The following MBOAT2 variants were observed in gnomAD, a reference collection of about 807,000 sequenced individuals.
MBOAT2 encodes membrane bound glycerophospholipid O-acyltransferase 2, also known as membrane-bound glycerophospholipid O-acyltransferase 2.
MBOAT2 carries 28 observed loss-of-function variants against 63.4 expected under a neutral mutation model. That is an observed-to-expected ratio of 0.44 (90% CI 0.33 to 0.61). The LOEUF (loss-of-function observed/expected upper bound fraction) is 0.61, where lower values mean the gene tolerates loss of function less well. Ranked by LOEUF, MBOAT2 falls within the 20% of genes least tolerant of loss-of-function variation. MBOAT2 has a pLI of 0.03. For synonymous variants in MBOAT2, 211 were observed against 215.6 expected (o/e 0.98, Z 0.19); for missense variants, 470 against 605.8 (o/e 0.78, Z 2.35).
At chr2:8,968,932 G>C (rs1336743412) in intron 1 of MBOAT2, among the ~76,000 whole-genome samples, 1 of 152,152 alleles carries the variant, frequency 6.6e-6, no homozygotes, top group Non-Finnish European at 1.5e-5. Context: ...CGGGGAGAAT[G>C]GAACCAAGTG....
chr2:8,995,049 C>G (rs184539642), intron 1 of MBOAT2, among the ~76,000 whole-genome samples: 1 of 151,270 alleles, frequency 6.6e-6, no homozygotes. Flanking sequence ...TGTCAGGGGT[C>G]GGGGGTTGAA....
chr2:8,987,255 T>C (rs1356417881), intron 1 of MBOAT2, among the ~76,000 whole-genome samples: 3 of 152,310 alleles, frequency 2.0e-5, no homozygotes, highest in African/African-American at 7.2e-5. Flanking sequence ...TGGCTTCCCA[T>C]CATATTTATA....
chr2:8,981,184 G>A (rs1671168373), intron 1 of MBOAT2, among the ~76,000 whole-genome samples: 1 of 152,144 alleles, frequency 6.6e-6, no homozygotes, highest in African/African-American at 2.4e-5. Flanking sequence ...GGGATTTGGG[G>A]AAATGGGGAG....
At chr2:8,903,488 G>A (rs1465284728) in intron 4 of MBOAT2, among the ~76,000 whole-genome samples, 1 of 146,646 alleles carries the variant, frequency 6.8e-6, no homozygotes, top group African/African-American at 2.5e-5. Flanking sequence ...TTTTTTTTTT[G>A]GTGGGTACAC....
intron 3 of MBOAT2, among the ~76,000 whole-genome samples, chr2:8,933,117 G>T (rs182506913): frequency 2.6e-5 from 4 of 152,242 alleles, no homozygotes; most frequent in Admixed American, 2.0e-4. Flanking sequence ...ATGGATGGTT[G>T]CATGGGCTCT....
At chr2:8,908,453 T>C (rs776383942) in intron 4 of MBOAT2, 168 bp downstream of exon 4, 2 of 556,244 alleles carry the variant, frequency 3.6e-6, no homozygotes, top group Non-Finnish European at 6.4e-6. Context: ...TAGATAGTAC[T>C]AAAAAGACTA....
chr2:8,969,060 A>G (rs1231899948), intron 1 of MBOAT2, among the ~76,000 whole-genome samples: 2 of 152,210 alleles, frequency 1.3e-5, no homozygotes, highest in Non-Finnish European at 2.9e-5. Flanking sequence ...ACTCCAAGAC[A>G]CATAATTGTA....
intron 4 of MBOAT2, among the ~76,000 whole-genome samples, chr2:8,892,348 T>A (rs915253093): frequency 1.3e-5 from 2 of 151,884 alleles, no homozygotes; most frequent in African/African-American, 4.8e-5. Context: ...CCAAACAAGA[T>A]CCACTGACAC....
In MBOAT2 at chr2:8,862,020, C is replaced by T. The variant is rs1661533996; in HGVS notation, c.1185+570G>A. 6.6e-6 allele frequency among the ~76,000 whole-genome samples: 1 copy of T among 152,204 alleles called. No individual in the cohort carries two copies. The highest frequency in any genetic ancestry group is 2.4e-5 in the African/African-American group (1 of 41,444). On this transcript the variant is annotated intron_variant, in intron 11 of 12. Coordinates refer to ENST00000305997, the MANE Select transcript of MBOAT2 (RefSeq NM_138799.4). This position sits in a 1 kb window ranked among gnomAD's most constrained non-coding sequence, Gnocchi z 4.3. ...TTCAAACATGGTTTTTGTCACGTCA[C>T]TTTCCTCTAACTGGTTTTCAAGGGC...
intron 1 of MBOAT2, among the ~76,000 whole-genome samples, chr2:8,995,626 T>C (rs1672233509): frequency 6.7e-6 from 1 of 148,918 alleles, no homozygotes; most frequent in Non-Finnish European, 1.5e-5. Flanking sequence ...AGTCTCGCTC[T>C]GTCACCCAGG....
At chr2:8,965,945 A>C (rs1297704425) in intron 1 of MBOAT2, among the ~76,000 whole-genome samples, 1 of 152,194 alleles carries the variant, frequency 6.6e-6, no homozygotes, top group Non-Finnish European at 1.5e-5. Context: ...TCAACAAATC[A>C]ATAAAAACAG....
chr2:8,970,930 C>T (rs942825559), intron 1 of MBOAT2, among the ~76,000 whole-genome samples: 5 of 152,120 alleles, frequency 3.3e-5, no homozygotes, highest in Non-Finnish European at 5.9e-5. Context: ...CAATTTCTAC[C>T]GGAGGTACAA....
chr2:8,868,608 C>G (rs1662073971), intron 8 of MBOAT2, 59 bp from the exon 9 acceptor site: 2 of 1,335,022 alleles, frequency 1.5e-6, no homozygotes, highest in African/African-American at 2.9e-5. Context: ...TTACCATATT[C>G]TCCCAGAAGG....
chr2:8,973,277 C>A (rs527780645), intron 1 of MBOAT2, among the ~76,000 whole-genome samples: 1 of 150,346 alleles, frequency 6.7e-6, no homozygotes, highest in Non-Finnish European at 1.5e-5. Context: ...GGATAAAAAA[C>A]CAAACACTGC....
intron 12 of MBOAT2, 38 bp from the exon 13 acceptor site, chr2:8,858,942 A>C: frequency 1.4e-6 from 2 of 1,455,370 alleles, no homozygotes; most frequent in Non-Finnish European, 1.9e-6. Flanking sequence ...AAAACTTGAT[A>C]ATTAATAATC....
intron 7 of MBOAT2, among the ~76,000 whole-genome samples, chr2:8,874,314 T>C (rs551955367): frequency 1.2e-3 from 181 of 152,326 alleles, no homozygotes; most frequent in African/African-American, 4.2e-3. Flanking sequence ...TTTTCCATTG[T>C]CTTTTATCCC....
Position 8,862,566 on chromosome 2 carries a change from T to C in MBOAT2, c.1185+24A>G. 2 of 1,600,608 alleles carry C rather than the reference T, an allele frequency of 1.2e-6. No individual in the cohort carries two copies. The highest frequency in any genetic ancestry group is 1.7e-6 in the Non-Finnish European group (2 of 1,174,962). On this transcript the variant is annotated intron_variant, in intron 11 of 12. Transcript: ENST00000305997. This position sits in a 1 kb window ranked among gnomAD's most constrained non-coding sequence, Gnocchi z 4.3. ...ACAGTTCAAGTGGACCATTGAATTGTAAAATAAAATTCTTGATACTTACAG... is the reference window on the plus strand; with the variant it reads ...ACAGTTCAAGTGGACCATTGAATTGCAAAATAAAATTCTTGATACTTACAG...
chr2:8,996,460 T>C lies in MBOAT2; in HGVS notation c.75+7080A>G, dbSNP rs375861369. On this transcript the variant is annotated intron_variant, in intron 1 of 12. Coordinates refer to ENST00000305997, the MANE Select transcript of MBOAT2 (RefSeq NM_138799.4). ...CCCTCCAGATCCACTCTCCTCTCTA[T>C]TCTGTGCCCCCAAAGCACCAACTTG... Among the ~76,000 whole-genome samples the C allele has an allele frequency of 1.9e-4, 29 of 152,274 alleles. 1 individual carries two copies. Among genetic ancestry groups the C allele is most frequent in the African/African-American group, 6.0e-4 (25 of 41,550 alleles).
chr2:8,908,561 C>T (rs1484158454), intron 4 of MBOAT2, 60 bp downstream of exon 4: 3 of 904,268 alleles, frequency 3.3e-6, no homozygotes, highest in East Asian at 4.9e-5. Flanking sequence ...TATATTTTGT[C>T]CTTTAACCAC....
Sources: allele counts gnomAD v4.1 joint callset (sites outside exome capture counted in the v4.1 genomes callset), GRCh38; gene constraint gnomAD v4.1.1; non-coding constraint Gnocchi (gnomAD v3.1); transcripts MANE v1.5; gene names NCBI Gene and HGNC (gene_info 2026-07-23, HGNC 2026-07-21).